Variants in DAB1 observed in about 807,000 individuals in gnomAD.
The protein encoded by DAB1 is DAB adaptor protein 1.
Under a neutral mutation model 64.6 loss-of-function variants are expected in DAB1, and 15 were observed. The ratio of observed to expected loss-of-function variants is 0.23; its 90% CI spans 0.16 to 0.36. DAB1 has a LOEUF of 0.36. DAB1 is among the 10% of genes least tolerant of loss of function. DAB1 has a pLI of 1.00. For missense variants in DAB1, 596 were observed against 706.7 expected (o/e 0.84, Z 1.78); for synonymous variants, 235 against 251.9 (o/e 0.93, Z 0.64).
intron 5 of DAB1, among the ~76,000 whole-genome samples, chr1:58,023,206 A>G (rs1442127864): frequency 6.6e-6 from 1 of 152,054 alleles, no homozygotes; most frequent in Non-Finnish European, 1.5e-5. Context: ...AAACCTCTCC[A>G]ATACCCCCAA....
At chr1:57,726,735 G>T (rs955258002) in intron 6 of DAB1, among the ~76,000 whole-genome samples, 1 of 152,170 alleles carries the variant, frequency 6.6e-6, no homozygotes, top group Non-Finnish European at 1.5e-5. Flanking sequence ...AAGCCGCAAA[G>T]AAGTTAAGTA....
chr1:57,841,271 G>T (rs1173585497), intron 1 of DAB1, among the ~76,000 whole-genome samples: 1 of 152,176 alleles, frequency 6.6e-6, no homozygotes, highest in Non-Finnish European at 1.5e-5. Flanking sequence ...ACTCTGCAGG[G>T]TCAACTCCTG....
In DAB1 at chr1:58,373,086, C is replaced by T. The variant is rs540781870; in HGVS notation, n.258-29683G>A. Among the ~76,000 whole-genome samples the T allele has an allele frequency of 3.4e-4, 52 of 151,582 alleles. 1 individual carries two copies. The highest frequency in any genetic ancestry group is 3.1e-3 in the South Asian group (15 of 4,766). On this transcript the variant is annotated intron_variant and non_coding_transcript_variant, in intron 3 of 20. Transcript: ENST00000485760. The stretch of plus-strand genomic sequence containing the variant: ...TTTCTTACTACTTTTTGTAGTTCTC[C>T]GTATTTCTAAGTTTCTTAAAATAAT...
chr1:58,474,741 G>A (rs907143562), intron 3 of DAB1, among the ~76,000 whole-genome samples: 2 of 152,150 alleles, frequency 1.3e-5, no homozygotes, highest in African/African-American at 2.4e-5. Flanking sequence ...TGTTTCCCTC[G>A]TTGCCCTGCC....
Position 58,238,230 on chromosome 1 carries a change from T to C in DAB1, n.310-87642A>G, listed in dbSNP as rs528887122. Among the ~76,000 whole-genome samples, 3 of 152,264 alleles carry C rather than the reference T, an allele frequency of 2.0e-5. No homozygotes were observed. The East Asian group carries it at 5.8e-4, about 29-fold the overall frequency. On this transcript the variant is annotated intron_variant and non_coding_transcript_variant, in intron 4 of 20. Coordinates refer to the DAB1 transcript ENST00000485760. ...TGTGCTAAGTTAAAAACAGAAGTGGTTGCTGGGTGCTCTGACTACATCCAG... is the reference window on the plus strand; with the variant it reads ...TGTGCTAAGTTAAAAACAGAAGTGGCTGCTGGGTGCTCTGACTACATCCAG...
At chr1:58,333,309 G>A (rs975398197) in intron 4 of DAB1, among the ~76,000 whole-genome samples, 1 of 151,990 alleles carries the variant, frequency 6.6e-6, no homozygotes, top group Non-Finnish European at 1.5e-5. Context: ...GGCTCCTGTA[G>A]ACCATATAGG....
chr1:57,191,578 A>G (rs1199576825), intron 2 of DAB1, among the ~76,000 whole-genome samples: 1 of 152,146 alleles, frequency 6.6e-6, no homozygotes, highest in African/African-American at 2.4e-5. Context: ...CCTCCTTGCA[A>G]ATAGAAAGTT....
chr1:58,303,879 T>C (rs1249465476), intron 4 of DAB1, among the ~76,000 whole-genome samples: 3 of 152,216 alleles, frequency 2.0e-5, no homozygotes, highest in Non-Finnish European at 2.9e-5. Flanking sequence ...TATTTGCTTA[T>C]GTTTGGGTTT....
chr1:57,387,821 C>CAAAAAAAAA (rs55950458), intron 1 of DAB1, among the ~76,000 whole-genome samples: 11 of 104,310 alleles, frequency 1.1e-4, no homozygotes, highest in Admixed American at 2.2e-4. Flanking sequence ...GACTCAGCCT[C>CAAAAAAAAA]AAAAAAAAAA....
intron 2 of DAB1, among the ~76,000 whole-genome samples, chr1:57,188,227 T>C (rs1182559858): frequency 6.6e-6 from 1 of 152,138 alleles, no homozygotes; most frequent in Non-Finnish European, 1.5e-5. Context: ...TGCTGAGGCT[T>C]CTCCAGGCAA....
chr1:57,230,651 A>C (rs963770813), intron 2 of DAB1, among the ~76,000 whole-genome samples: 16 of 115,772 alleles, frequency 1.4e-4, no homozygotes, highest in Non-Finnish European at 3.1e-4. Context: ...ATAGCTTTAC[A>C]TATTTTGAGG....
intron 2 of DAB1, among the ~76,000 whole-genome samples, chr1:57,270,277 C>T (rs992197279): frequency 1.3e-5 from 2 of 152,200 alleles, no homozygotes; most frequent in Non-Finnish European, 2.9e-5. Flanking sequence ...TGCCATATTG[C>T]ATTATTCTTC....
At chr1:58,252,380 A>T (rs987876598) in intron 4 of DAB1, among the ~76,000 whole-genome samples, 4 of 152,126 alleles carry the variant, frequency 2.6e-5, no homozygotes, top group African/African-American at 9.7e-5. Flanking sequence ...AGGTCTTTTC[A>T]ATTTTTTCCT....
At chr1:57,624,982 A>G (rs186653550) in intron 7 of DAB1, among the ~76,000 whole-genome samples, 3 of 152,330 alleles carry the variant, frequency 2.0e-5, no homozygotes, top group Admixed American at 6.5e-5. Flanking sequence ...GAAAATCTAA[A>G]TATAATTTAA....
chr1:58,516,880 G>A (rs1201705595), intron 2 of DAB1, among the ~76,000 whole-genome samples: 3 of 152,164 alleles, frequency 2.0e-5, no homozygotes, highest in African/African-American at 7.2e-5. Flanking sequence ...ATGTCCTTGG[G>A]TCAGGACTTT....
At chr1:57,211,327 C>G (rs979284969) in intron 2 of DAB1, among the ~76,000 whole-genome samples, 1 of 152,108 alleles carries the variant, frequency 6.6e-6, no homozygotes, top group African/African-American at 2.4e-5. Context: ...AGGGATATGG[C>G]CACACAGAGG....
rs1371102631 is a variant in DAB1 at position 57,071,030 on chromosome 1, A to G, written c.590T>C (p.Val197Ala). 1 of 1,612,994 alleles carries G rather than the reference A, an allele frequency of 6.2e-7. No individual in the cohort carries two copies. The change falls in exon 7 of 15, where the codon GTG becomes GCG. Residue 197 changes from valine (V) to alanine (A), a missense_variant. Coordinates refer to ENST00000371236, the MANE Select transcript of DAB1 (RefSeq NM_001365792.1). ...ACTAGTTTCAGAAATTACCTGGTACACAGGATCTTCAACATCCTCTTCCAA... is the reference window on the plus strand; with the variant it reads ...ACTAGTTTCAGAAATTACCTGGTACGCAGGATCTTCAACATCCTCTTCCAA... Reference protein sequence around the residue: ...TILEEDVEDPVYQYIVFEAGH... With the variant: ...TILEEDVEDPAYQYIVFEAGH...
intron 7 of DAB1, among the ~76,000 whole-genome samples, chr1:57,577,262 C>A (rs566323389): frequency 6.3e-4 from 96 of 152,124 alleles, no homozygotes; most frequent in Non-Finnish European, 1.2e-3. Context: ...ATTTCCTCCT[C>A]GTAACAGCTC....
intron 3 of DAB1, among the ~76,000 whole-genome samples, chr1:58,370,693 T>A (rs1644258054): frequency 1.3e-5 from 2 of 152,200 alleles, no homozygotes; most frequent in Admixed American, 6.5e-5. Context: ...GGGAAGGACC[T>A]AGCGTGAGAT....
Sources: gnomAD v4.1 joint callset for allele counts (sites outside exome capture counted in the v4.1 genomes callset) on GRCh38, gnomAD v4.1.1 for gene constraint, MANE v1.5 for transcripts, NCBI Gene and HGNC (gene_info 2026-07-23, HGNC 2026-07-21) for gene names.